Variants in C2CD2 observed in about 807,000 individuals in gnomAD.
C2CD2 encodes the protein C2 domain-containing protein 2.
A neutral mutation model predicts 74.3 loss-of-function variants in C2CD2; 43 were observed. That is an observed-to-expected ratio of 0.58 (90% confidence interval 0.45 to 0.75). The LOEUF (loss-of-function observed/expected upper bound fraction) is 0.75. C2CD2 is among the 30% of genes least tolerant of loss of function. C2CD2 has a pLI of 0.00. For missense variants in C2CD2, 801 were observed against 916.3 expected (o/e 0.87, Z 1.63); for synonymous variants, 422 against 390.7 (o/e 1.08, Z -0.94).
intron 5 of C2CD2, 29 bp from the exon 6 acceptor site, chr21:41,914,750 G>T (rs757215446): frequency 1.9e-6 from 3 of 1,603,910 alleles, no homozygotes; most frequent in South Asian, 1.1e-5. Context: ...CTTTATTTTT[G>T]GTCTTCATGG....
intron 3 of C2CD2, among the ~76,000 whole-genome samples, chr21:41,920,065 G>A (rs141062427): frequency 5.9e-5 from 9 of 152,266 alleles, no homozygotes; most frequent in East Asian, 3.9e-4. Context: ...AGCCGGAAAT[G>A]GCCCTCCACT....
intron 4 of C2CD2, 68 bp downstream of exon 4, chr21:41,918,788 C>T (rs1271295533): frequency 8.2e-7 from 1 of 1,225,922 alleles, no homozygotes; most frequent in Non-Finnish European, 1.2e-6. Context: ...CAGTTCCCCA[C>T]CGCAGACTGT....
In C2CD2 at chr21:41,907,642, C is replaced by T. The variant is rs114189367; in HGVS notation, c.1143+18G>A. 1,966 of 1,601,782 alleles carry T rather than the reference C, an allele frequency of 1.2e-3. 15 individuals carry two copies. In the African/African-American group the frequency reaches 0.023, roughly 19 times the overall value. On this transcript the variant is annotated intron_variant, in intron 9 of 13. Coordinates refer to ENST00000380486, the MANE Select transcript of C2CD2 (RefSeq NM_015500.2). ...GCCCCAAGCCGGAACCCGGCCGCGG[C>T]GGACAGCCTCGCCCTACCTCTGCCG... is the stretch of plus-strand genomic sequence containing the variant.
chr21:41,893,359 C>T (rs775373044), intron 13 of C2CD2, among the ~76,000 whole-genome samples: 5 of 151,888 alleles, frequency 3.3e-5, no homozygotes, highest in Non-Finnish European at 7.4e-5. Context: ...AGAACAAGAC[C>T]CTGTCTCTCA....
At chr21:41,925,207 C>T (rs373711121) in intron 2 of C2CD2, among the ~76,000 whole-genome samples, 10 of 152,152 alleles carry the variant, frequency 6.6e-5, no homozygotes, top group East Asian at 1.9e-4. Flanking sequence ...CAATTTAGGC[C>T]GAGTGTGGTG....
chr21:41,902,342 A>G (rs1369683994), intron 11 of C2CD2, among the ~76,000 whole-genome samples: 2 of 152,240 alleles, frequency 1.3e-5, no homozygotes, highest in Non-Finnish European at 2.9e-5. Context: ...CCCCAGGTTA[A>G]TAACAACACA....
intron 1 of C2CD2, among the ~76,000 whole-genome samples, chr21:41,948,934 T>A (rs191331097): frequency 8.2e-4 from 118 of 144,742 alleles, no homozygotes; most frequent in Non-Finnish European, 1.5e-3. Flanking sequence ...GTCTTGATCA[T>A]TTGCAATTAG....
chr21:41,911,385 ATTCTT>A (rs1446434177), intron 7 of C2CD2, among the ~76,000 whole-genome samples: 20 of 123,530 alleles, frequency 1.6e-4, no homozygotes, highest in Non-Finnish European at 3.3e-4. Context: ...CCCTATCTCG[ATTCTT>A]TTTTTTTTTT....
intron 1 of C2CD2, among the ~76,000 whole-genome samples, chr21:41,944,275 G>A (rs999484678): frequency 2.0e-5 from 3 of 152,134 alleles, no homozygotes; most frequent in African/African-American, 7.2e-5. Context: ...CACTTTGGGA[G>A]GCCGAGGCGG....
At position 41,893,020 on chromosome 21, in the gene C2CD2, A is replaced by G. The variant is rs544948136; in HGVS notation, c.1871-3676T>C. ...GTGTTCAAAAGACCTTAGAACAGGA[A>G]CAGGAGCCAGGCACGGTGGCTCAGG... On this transcript the variant is annotated intron_variant, in intron 13 of 13. Transcript: ENST00000380486. Among the ~76,000 whole-genome samples the G allele has an allele frequency of 2.6e-5, 4 of 152,332 alleles. No individual in the cohort carries two copies. The East Asian group carries it at 5.8e-4, about 22-fold the overall frequency.
Position 41,926,310 on chromosome 21 carries a change from C to T in C2CD2, c.379-4225G>A. The T allele has an allele frequency of 4.4e-6, 1 of 227,004 alleles. No homozygotes were observed. Among genetic ancestry groups the T allele is most frequent in the Non-Finnish European group, 7.3e-6 (1 of 136,254 alleles). 14.1% of individuals were successfully genotyped at this position (227,004 alleles called of 1,614,324 possible). A position where few individuals can be genotyped will look rare whatever the true frequency, so the allele number is the denominator to read the frequency against. On this transcript the variant is annotated intron_variant, in intron 2 of 13. Transcript: ENST00000380486. The surrounding 1 kb of genome is among the most constrained non-coding windows in gnomAD (Gnocchi z 8.0). ...ACTTTGTATTCCAAATAAACAGCTT[C>T]CTCTCTGTATAAGTGACAGAGTGTT...
chr21:41,933,073 C>A (rs1274293224), intron 2 of C2CD2, among the ~76,000 whole-genome samples: 2 of 150,270 alleles, frequency 1.3e-5, no homozygotes, highest in Admixed American at 1.3e-4. Context: ...TGGGTTCCGG[C>A]GGCCTTGTCC....
chr21:41,905,102 GC>G (rs150545604), intron 11 of C2CD2, among the ~76,000 whole-genome samples: 6,684 of 152,188 alleles, frequency 0.044, 483 homozygotes, highest in African/African-American at 0.15. Context: ...CTACTTATTT[GC>G]TATTAATGTA....
At chr21:41,907,854 C>A in intron 8 of C2CD2, 70 bp from the exon 9 acceptor site, 1 of 1,560,642 alleles carries the variant, frequency 6.4e-7, no homozygotes. Flanking sequence ...CGGAAAGGCC[C>A]ACACGCCCAG....
At chr21:41,935,376 T>G (rs1374163594) in intron 2 of C2CD2, among the ~76,000 whole-genome samples, 1 of 152,212 alleles carries the variant, frequency 6.6e-6, no homozygotes, top group Admixed American at 6.5e-5. Flanking sequence ...GTGTTTTTAT[T>G]AAATATTCTT....
chr21:41,907,648 GCCTCGCCCTA>G lies in C2CD2; in HGVS notation c.1143+2_1143+11del. On this transcript the variant is annotated splice_donor_variant and splice_donor_5th_base_variant and intron_variant, in intron 9 of 13. Coordinates refer to ENST00000380486, the MANE Select transcript of C2CD2 (RefSeq NM_015500.2). LOFTEE classifies it high-confidence loss of function. ...AGCCGGAACCCGGCCGCGGCGGACA[GCCTCGCCCTA>G]CCTCTGCCGTGACCGAGCCCAGCAC... The G allele has an allele frequency of 6.2e-7, 1 of 1,607,524 alleles. No homozygotes were observed. Among genetic ancestry groups the G allele is most frequent in the Non-Finnish European group, 8.5e-7 (1 of 1,178,224 alleles).
chr21:41,925,129 C>T (rs537680637), intron 2 of C2CD2, among the ~76,000 whole-genome samples: 2 of 152,236 alleles, frequency 1.3e-5, no homozygotes, highest in East Asian at 3.9e-4. Context: ...CTAAATAAAA[C>T]CTACAGTGCA....
chr21:41,897,413 A>G (rs2064836774), intron 13 of C2CD2, among the ~76,000 whole-genome samples: 1 of 152,162 alleles, frequency 6.6e-6, no homozygotes, highest in South Asian at 2.1e-4. Context: ...TGTCTACAAG[A>G]CAAAGAATAG....
In C2CD2 at chr21:41,918,219, C is replaced by T. The variant is rs2839422; in HGVS notation, c.606G>A (p.Val202=). ...CGTCAGACATCGCACTTGTCTCAGCCACCTGGTCCTGGTGAAAGAGGAGAA... is the reference window on the plus strand; with the variant it reads ...CGTCAGACATCGCACTTGTCTCAGCTACCTGGTCCTGGTGAAAGAGGAGAA... ...IQPKALGEDQ[V]AETSAMSDVL... The change falls in exon 5 of 14, where the codon GTG becomes GTA. Residue 202 remains valine, a synonymous_variant. Coordinates refer to ENST00000380486, the MANE Select transcript of C2CD2 (RefSeq NM_015500.2). 4 of 1,613,976 alleles carry T rather than the reference C, an allele frequency of 2.5e-6. No homozygotes were observed. The highest frequency in any genetic ancestry group is 1.7e-5 in the Admixed American group (1 of 60,008).
Sources: allele counts gnomAD v4.1 joint callset (sites outside exome capture counted in the v4.1 genomes callset), GRCh38; gene constraint gnomAD v4.1.1; non-coding constraint Gnocchi (gnomAD v3.1); transcripts MANE v1.5; gene names NCBI Gene and HGNC (gene_info 2026-07-23, HGNC 2026-07-21).